Variants in HEPH observed in about 807,000 individuals in gnomAD.
HEPH encodes the protein hephaestin.
Under a neutral mutation model 80.8 loss-of-function variants are expected in HEPH, and 69 were observed. The observed-to-expected ratio is 0.85, with a 90% CI of 0.70 to 1.04. The LOEUF (loss-of-function observed/expected upper bound fraction) is 1.04, where lower values mean the gene tolerates loss of function less well. Among genes scored for constraint, HEPH ranks in the 50% least tolerant of loss-of-function variants. HEPH has a pLI of 0.00. For missense variants in HEPH, 1,115 were observed against 891.3 expected (o/e 1.25, Z -3.20); for synonymous variants, 431 against 322.8 (o/e 1.34, Z -3.60).
intron 15 of HEPH, among the ~76,000 whole-genome samples, chrX:66,233,809 AG>A (rs1362072051): frequency 9.0e-6 from 1 of 111,176 alleles, no homozygotes; most frequent in East Asian, 2.8e-4. Context: ...ACTGAACCAA[AG>A]TCTTGATTTT....
Position 66,191,647 on chromosome X carries a change from T to C in HEPH, c.1064-483T>C, listed in dbSNP as rs1005515522. ...TTATCTTCACTGATAGAAGATGTTC[T>C]ATTATTTTGGGAGCTTCCCAGTTTA... On this transcript the variant is annotated intron_variant, in intron 6 of 20. Coordinates refer to ENST00000343002, the MANE Select transcript of HEPH (RefSeq NM_001367233.3). 7.1e-5 allele frequency among the ~76,000 whole-genome samples: 8 copies of C among 112,333 alleles called. 1 individual carries two copies. Among genetic ancestry groups the C allele is most frequent in the Middle Eastern group, 8.4e-3 (2 of 239 alleles).
chrX:66,201,101 G>A (rs1399087960), intron 12 of HEPH, among the ~76,000 whole-genome samples: 4 of 110,813 alleles, frequency 3.6e-5, no homozygotes, highest in Non-Finnish European at 7.6e-5. Flanking sequence ...TTGGGAGGAA[G>A]GTCAATAAAA....
chrX:66,172,519 T>G lies in HEPH; in HGVS notation c.332T>G (p.Ile111Ser). 1 of 1,210,259 alleles carries G rather than the reference T, an allele frequency of 8.3e-7. No homozygotes were observed. Among genetic ancestry groups the G allele is most frequent in the South Asian group, 1.8e-5 (1 of 56,599 alleles). The change falls in exon 3 of 21, where the codon ATT (isoleucine) becomes AGT (serine). Residue 111 changes from isoleucine to serine, a missense_variant. Coordinates refer to ENST00000343002, the MANE Select transcript of HEPH (RefSeq NM_001367233.3). ...TTGCAGGCTGAAGTGGGGGATGTCA[T>G]TCTTATTCACCTGAAGAATTTTGCC... is the stretch of plus-strand genomic sequence containing the variant. Reference protein sequence around the residue: ...PVLQAEVGDVILIHLKNFATR... With the variant: ...PVLQAEVGDVSLIHLKNFATR...
In HEPH at chrX:66,207,176, A is replaced by G. The variant is rs747557240; in HGVS notation, c.2292-19A>G. ...GGGTTGATGGCCAGGTGCTGATAGT[A>G]CTCTTTGGATTCCTCTAGTTATGGT... On this transcript the variant is annotated intron_variant, in intron 13 of 20. Transcript: ENST00000343002. The G allele has an allele frequency of 1.4e-5, 16 of 1,184,533 alleles. No homozygotes were observed. The South Asian group carries it at 2.9e-4, about 21-fold the overall frequency.
chrX:66,264,170 G>A (rs953970982), intron 20 of HEPH, among the ~76,000 whole-genome samples: 1 of 107,878 alleles, frequency 9.3e-6, no homozygotes, highest in Non-Finnish European at 1.9e-5. Flanking sequence ...TTGGGTGATG[G>A]GTGCCCTAAA....
chrX:66,248,248 T>A (rs1218784819), intron 15 of HEPH, among the ~76,000 whole-genome samples: 1 of 112,084 alleles, frequency 8.9e-6, no homozygotes, highest in African/African-American at 3.2e-5. Flanking sequence ...AATCTGATAA[T>A]ATTAAATGAA....
intron 15 of HEPH, among the ~76,000 whole-genome samples, chrX:66,238,482 T>C (rs1393994084): frequency 2.7e-5 from 3 of 111,371 alleles, no homozygotes; most frequent in Admixed American, 9.6e-5. Flanking sequence ...GAATTCAAGG[T>C]TGCATGTAGC....
intron 15 of HEPH, among the ~76,000 whole-genome samples, chrX:66,232,968 A>G (rs766512649): frequency 9.0e-6 from 1 of 110,681 alleles, no homozygotes; most frequent in African/African-American, 3.3e-5. Context: ...TTTTATAAGG[A>G]CCCTGTATAC....
At chrX:66,259,192 G>A (rs2091277575) in intron 18 of HEPH, among the ~76,000 whole-genome samples, 1 of 111,656 alleles carries the variant, frequency 9.0e-6, no homozygotes. Flanking sequence ...TGATGTGGAA[G>A]ACAAAAAAGG....
intron 4 of HEPH, among the ~76,000 whole-genome samples, chrX:66,180,722 G>C (rs1233880853): frequency 1.6e-5 from 1 of 64,401 alleles, no homozygotes; most frequent in African/African-American, 6.3e-5. Context: ...TATACTCTAA[G>C]TTTTAGGGTA....
chrX:66,216,044 A>C (rs2147900112), intron 15 of HEPH, among the ~76,000 whole-genome samples: 1 of 110,242 alleles, frequency 9.1e-6, no homozygotes, highest in South Asian at 3.8e-4. Flanking sequence ...GCATCCCCCA[A>C]AGCAGCCACA....
chrX:66,214,881 A>G (rs1317207659), intron 15 of HEPH, among the ~76,000 whole-genome samples: 5 of 111,086 alleles, frequency 4.5e-5, no homozygotes, highest in Non-Finnish European at 7.5e-5. Flanking sequence ...ATATCATATT[A>G]TTTTTATTAT....
Position 66,266,877 on chromosome X carries a change from C to A in HEPH, c.*205C>A, listed in dbSNP as rs1602598620. The stretch of plus-strand genomic sequence containing the variant: ...CTTTTTCTTTAGTTTCTTTGCTCTA[C>A]GTGGGCACCTGGCACTAAGGGAGTA... On this transcript the variant is annotated 3_prime_UTR_variant, in exon 21 of 21. Transcript: ENST00000343002. The A allele has an allele frequency of 1.2e-5, 5 of 402,911 alleles. No individual in the cohort carries two copies. In the South Asian group the frequency reaches 2.3e-4, roughly 19 times the overall value. The allele number at this position is 402,911 out of a possible 1,213,427, so 33.2% of individuals were successfully genotyped here.
At chrX:66,232,500 C>A (rs1161807650) in intron 15 of HEPH, among the ~76,000 whole-genome samples, 1 of 111,242 alleles carries the variant, frequency 9.0e-6, no homozygotes, top group Non-Finnish European at 1.9e-5. Flanking sequence ...CTGACATAAG[C>A]AATTTTTATG....
At chrX:66,198,016 C>T (rs2088200707) in intron 10 of HEPH, 122 bp downstream of exon 10, 1 of 568,745 alleles carries the variant, frequency 1.8e-6, no homozygotes, top group Admixed American at 3.2e-5. Flanking sequence ...AATAATCAAG[C>T]TGGTCCATCA....
chrX:66,198,107 G>A (rs778830659), intron 10 of HEPH, among the ~76,000 whole-genome samples: 1 of 111,273 alleles, frequency 9.0e-6, no homozygotes, highest in South Asian at 3.8e-4. Flanking sequence ...TAGCCTTGCA[G>A]ATAATTCATG....
intron 15 of HEPH, among the ~76,000 whole-genome samples, chrX:66,223,332 C>T (rs998793099): frequency 9.0e-6 from 1 of 111,459 alleles, no homozygotes; most frequent in Non-Finnish European, 1.9e-5. Context: ...GAGAAATTTC[C>T]TTTAGCACCT....
Position 66,256,345 on chromosome X carries a change from A to C in HEPH, c.2896+15A>C, listed in dbSNP as rs764070910. On this transcript the variant is annotated intron_variant, in intron 17 of 20. Transcript: ENST00000343002. ...TAAAATGCATGGTCAGTAGTAAAAA[A>C]CCTACTCTTGTTCCAAAGCAGTCCC... The C allele has an allele frequency of 5.3e-6, 6 of 1,136,964 alleles. No homozygotes were observed. Among genetic ancestry groups the C allele is most frequent in the Non-Finnish European group, 6.0e-6 (5 of 830,659 alleles). 93.7% of individuals were successfully genotyped at this position (1,136,964 alleles called of 1,213,427 possible). A position where few individuals can be genotyped will look rare whatever the true frequency, so the allele number is the denominator to read the frequency against.
chrX:66,243,647 G>A (rs1419950880), intron 15 of HEPH, among the ~76,000 whole-genome samples: 1 of 112,798 alleles, frequency 8.9e-6, no homozygotes, highest in Admixed American at 9.3e-5. Flanking sequence ...TTTGAATTGG[G>A]GCATTTAACC....
Sources: gnomAD v4.1 joint callset for allele counts (sites outside exome capture counted in the v4.1 genomes callset) on GRCh38, gnomAD v4.1.1 for gene constraint, MANE v1.5 for transcripts, NCBI Gene and HGNC (gene_info 2026-07-23, HGNC 2026-07-21) for gene names.